MYOM1: variants seen among roughly 807,000 people sequenced by gnomAD.
MYOM1 encodes myomesin-1.
Under a neutral mutation model 205.3 loss-of-function variants are expected in MYOM1, and 164 were observed. The ratio of observed to expected loss-of-function variants is 0.80; its 90% CI spans 0.70 to 0.91. The LOEUF is 0.91. Ranked by LOEUF, MYOM1 falls within the 40% of genes least tolerant of loss-of-function variation. MYOM1 has a pLI of 0.00. For synonymous variants in MYOM1, 772 were observed against 789.4 expected (o/e 0.98, Z 0.37); for missense variants, 2,011 against 2,127.3 (o/e 0.95, Z 1.08).
At chr18:3,220,372 T>C (rs1328129443), upstream of MYOM1, among the ~76,000 whole-genome samples, 1 of 152,184 alleles carries the variant, frequency 6.6e-6, no homozygotes, top group Non-Finnish European at 1.5e-5. Context: ...AACTTGAAGC[T>C]AACTAAAGGC....
At chr18:3,168,773 C>A in intron 9 of MYOM1, 44 bp downstream of exon 9, 1 of 1,604,176 alleles carries the variant, frequency 6.2e-7, no homozygotes, top group Non-Finnish European at 8.5e-7. Flanking sequence ...TGGTCTACAA[C>A]CTTCGAATAA....
the MYOM1 span, among the ~76,000 whole-genome samples, chr18:3,225,818 C>CTGTATTATGCTGTATT: frequency 6.6e-6 from 1 of 152,222 alleles, no homozygotes; most frequent in Non-Finnish European, 1.5e-5. Context: ...GAATTGTCTG[C>CTGTATTATGCTGTATT]ATGCTGTATT....
chr18:3,127,305 ATTTTT>A (rs1555620545), intron 18 of MYOM1, among the ~76,000 whole-genome samples: 1 of 47,570 alleles, frequency 2.1e-5, no homozygotes, highest in Non-Finnish European at 3.6e-5. Context: ...ATATATATAT[ATTTTT>A]TTTTTTTTTT....
intron 14 of MYOM1, among the ~76,000 whole-genome samples, chr18:3,138,077 G>A (rs1026204905): frequency 3.9e-5 from 6 of 152,142 alleles, no homozygotes; most frequent in African/African-American, 7.2e-5. Flanking sequence ...GGAAATCCTC[G>A]AATGAAGGAC....
chr18:3,094,238 C>G lies in MYOM1; in HGVS notation c.3796G>C (p.Ala1266Pro), dbSNP rs554969785. Residue 1266 changes from alanine to proline, a missense_variant, in exon 26 of 38, where the codon GCT (alanine) becomes CCT (proline). By Grantham distance (27) the Ala-to-Pro change is conservative. Transcript: ENST00000356443. ...TTGGCATTGCCAGACAGTTTCTCAG[C>G]CTGCATCCAAAACCGGACCTGGCCT... Reference protein sequence around the residue: ...EKGQVRFWMQAEKLSGNAKVN... With the variant: ...EKGQVRFWMQPEKLSGNAKVN... The G allele has an allele frequency of 6.2e-7, 1 of 1,613,850 alleles. No individual in the cohort carries two copies. Among genetic ancestry groups the G allele is most frequent in the African/African-American group, 1.3e-5 (1 of 74,906 alleles).
intron 5 of MYOM1, among the ~76,000 whole-genome samples, chr18:3,178,559 GCT>G (rs921995033): frequency 2.6e-5 from 4 of 152,126 alleles, no homozygotes; most frequent in African/African-American, 9.7e-5. Context: ...CCTTTCCCCA[GCT>G]CTCTCTCTCA....
At chr18:3,134,580 G>A (rs1220095659) in intron 16 of MYOM1, 70 bp downstream of exon 16, 4 of 1,461,174 alleles carry the variant, frequency 2.7e-6, no homozygotes, top group Non-Finnish European at 3.7e-6. Context: ...TCCATTGGAT[G>A]TCTGTGTGCC....
intron 19 of MYOM1, among the ~76,000 whole-genome samples, chr18:3,121,324 A>T (rs2079688379): frequency 6.6e-6 from 1 of 152,124 alleles, no homozygotes; most frequent in African/African-American, 2.4e-5. Flanking sequence ...TTAAAAACCC[A>T]CATCTAGACC....
At chr18:3,165,316 G>A (rs896870320) in intron 9 of MYOM1, among the ~76,000 whole-genome samples, 1 of 152,116 alleles carries the variant, frequency 6.6e-6, no homozygotes, top group Non-Finnish European at 1.5e-5. Flanking sequence ...TGTCCAATAT[G>A]GCTTTAACCT....
intron 19 of MYOM1, among the ~76,000 whole-genome samples, chr18:3,123,997 T>C (rs1360132835): frequency 2.0e-5 from 3 of 151,248 alleles, no homozygotes; most frequent in African/African-American, 7.4e-5. Flanking sequence ...CCACCACTCC[T>C]GGCTAATTTT....
At chr18:3,236,107 C>T in the MYOM1 span, among the ~76,000 whole-genome samples, 1 of 152,198 alleles carries the variant, frequency 6.6e-6, no homozygotes, top group Non-Finnish European at 1.5e-5. Context: ...TGGGCTTTTA[C>T]TCTGAGTGAA....
At chr18:3,176,290 C>G (rs573983667) in intron 5 of MYOM1, among the ~76,000 whole-genome samples, 156 bp from the exon 6 acceptor site, 5 of 152,138 alleles carry the variant, frequency 3.3e-5, no homozygotes, top group Non-Finnish European at 7.3e-5. Context: ...TATTGGCTTA[C>G]GTGAAGTGCA....
At chr18:3,169,933 G>A (rs937340068) in intron 8 of MYOM1, among the ~76,000 whole-genome samples, 9 of 152,030 alleles carry the variant, frequency 5.9e-5, no homozygotes, top group African/African-American at 2.2e-4. Context: ...AGAAAACGTG[G>A]TACATATACT....
chr18:3,135,050 G>A lies in MYOM1; in HGVS notation c.2210-226C>T. ...TGCAGCCCCCACCTCCTGGGTTCAG[G>A]CAATTTTCCCACCTCAGCCTCCTGA... On this transcript the variant is annotated intron_variant, in intron 15 of 37. Transcript: ENST00000356443. This position sits in a 1 kb window ranked among gnomAD's most constrained non-coding sequence, Gnocchi z 4.1. 2.1e-6 allele frequency: 1 copy of A among 465,928 alleles called. No individual in the cohort carries two copies. Among genetic ancestry groups the A allele is most frequent in the Non-Finnish European group, 3.9e-6 (1 of 257,470 alleles). 28.9% of individuals were successfully genotyped at this position (465,928 alleles called of 1,614,324 possible).
chr18:3,241,100 A>C, the MYOM1 span, among the ~76,000 whole-genome samples: 1 of 152,246 alleles, frequency 6.6e-6, no homozygotes, highest in African/African-American at 2.4e-5. Context: ...GAAAATTTGC[A>C]GCCTGAAAAT....
At chr18:3,102,729 C>T (rs1442626559) in intron 22 of MYOM1, 99 bp from the exon 23 acceptor site, 21 of 1,282,394 alleles carry the variant, frequency 1.6e-5, no homozygotes, top group East Asian at 2.3e-5. Flanking sequence ...TAAAGTAGGG[C>T]CCTGATCCTA....
rs112024890 is a variant in MYOM1, at chr18:3,188,506, G to A, written c.771+242C>T. On this transcript the variant is annotated intron_variant, in intron 4 of 37. Coordinates refer to ENST00000356443, the MANE Select transcript of MYOM1 (RefSeq NM_003803.4). Reference sequence around the variant, plus strand: ...TAGCTGGGTGTGGTGGCACGTGCCTGTAATCCCAGCTACTTGGGAGGCTGA... The same window carrying A: ...TAGCTGGGTGTGGTGGCACGTGCCTATAATCCCAGCTACTTGGGAGGCTGA... Among the ~76,000 whole-genome samples the A allele has an allele frequency of 0.09, 13,605 of 151,628 alleles. 874 individuals are homozygous for A. Among genetic ancestry groups the A allele is most frequent in the African/African-American group, 0.18 (7,611 of 41,250 alleles).
chr18:3,086,278 C>A, intron 29 of MYOM1, 127 bp from the exon 30 acceptor site: 1 of 483,684 alleles, frequency 2.1e-6, no homozygotes. Context: ...ACACAGATTT[C>A]TAAAGGAATG....
chr18:3,087,801 T>C (rs1374646479), intron 29 of MYOM1, among the ~76,000 whole-genome samples: 1 of 152,080 alleles, frequency 6.6e-6, no homozygotes, highest in Admixed American at 6.5e-5. Flanking sequence ...CTCCTACTTT[T>C]TATTTATTTA....
Sources: allele counts gnomAD v4.1 joint callset (sites outside exome capture counted in the v4.1 genomes callset), GRCh38; gene constraint gnomAD v4.1.1; non-coding constraint Gnocchi (gnomAD v3.1); transcripts MANE v1.5; gene names NCBI Gene and HGNC (gene_info 2026-07-23, HGNC 2026-07-21).